The following CPLANE1 variants were observed in gnomAD, a reference collection of about 807,000 sequenced individuals.
CPLANE1 encodes the protein ciliogenesis and planar polarity effector complex subunit 1.
A neutral mutation model predicts 362.5 loss-of-function variants in CPLANE1; 263 were observed. That is an observed-to-expected ratio of 0.73 (90% CI 0.66 to 0.80). CPLANE1 has a LOEUF of 0.80. CPLANE1 is among the 30% of genes least tolerant of loss of function. CPLANE1 has a pLI of 0.00. For missense variants in CPLANE1, 3,461 were observed against 3,793.4 expected, an observed-to-expected ratio of 0.91 and a Z score of 2.30; for synonymous variants, 1,212 against 1,302.6, an observed-to-expected ratio of 0.93 and a Z score of 1.50.
chr5:37,210,093 G>C, intron 16 of CPLANE1: 1 of 824,570 alleles, frequency 1.2e-6, no homozygotes. Flanking sequence ...GGAATTAGCC[G>C]TGTTCCAGAA....
chr5:37,117,180 A>G (rs1761253478), intron 50 of CPLANE1, among the ~76,000 whole-genome samples: 1 of 152,152 alleles, frequency 6.6e-6, no homozygotes, highest in Non-Finnish European at 1.5e-5. Context: ...AGCTATGCTT[A>G]GGCAAAAAGC....
chr5:37,215,739 C>CTTTTTTTTTTTTTTTTTTTT (rs567527656), intron 15 of CPLANE1, among the ~76,000 whole-genome samples: 3 of 95,226 alleles, frequency 3.2e-5, no homozygotes, highest in South Asian at 4.0e-4. Context: ...CTTCTCTTTC[C>CTTTTTTTTTTTTTTTTTTTT]TTTTTTTTTT....
At chr5:37,224,946 CTTT>C (rs199801993) in intron 12 of CPLANE1, among the ~76,000 whole-genome samples, 14 of 131,262 alleles carry the variant, frequency 1.1e-4, no homozygotes, top group Non-Finnish European at 8.2e-5. Context: ...CACCTGTAAT[CTTT>C]TTTTTTTTTT....
intron 35 of CPLANE1, 135 bp downstream of exon 35, chr5:37,166,912 A>G: frequency 1.5e-6 from 1 of 660,360 alleles, no homozygotes; most frequent in Non-Finnish European, 2.5e-6. Context: ...TTTCAGATGC[A>G]TGACACTTGA....
At chr5:37,155,802 TCA>T (rs776251081) in intron 41 of CPLANE1, among the ~76,000 whole-genome samples, 1 of 152,110 alleles carries the variant, frequency 6.6e-6, no homozygotes, top group South Asian at 2.1e-4. Flanking sequence ...TACTCAGGGG[TCA>T]CAGAGAGAAA....
In CPLANE1 at chr5:37,206,422, T is replaced by A; in HGVS notation, c.2924A>T (p.Gln975Leu). 6.5e-7 allele frequency: 1 copy of A among 1,544,726 alleles called. No individual in the cohort carries two copies. The highest frequency in any genetic ancestry group is 8.8e-7 in the Non-Finnish European group (1 of 1,140,912). The part of the protein sequence containing the change: ...VLPPLHIKTE[Q>L]SFRLIPLQHS... ...TTGCAGAGGAATAAGTCGAAAGGAC[T>A]GCTCTGTGAGTAAATTTTTAAAAAT... The change falls in exon 17 of 53, where the codon CAG becomes CTG. Residue 975 changes from glutamine (Q) to leucine (L), a missense_variant. By Grantham distance (113) the Gln-to-Leu change is moderately radical. This residue lies in a region of CPLANE1 where 3,380 missense variants were observed against 3,666.1 expected (regional missense o/e 0.92). Transcript: ENST00000651892.
chr5:37,193,408 A>C (rs986694902), intron 21 of CPLANE1, among the ~76,000 whole-genome samples: 2 of 151,946 alleles, frequency 1.3e-5, no homozygotes, highest in African/African-American at 4.8e-5. Flanking sequence ...TAATCCCAGC[A>C]CTTTCGGAGG....
At position 37,239,699 on chromosome 5, in the gene CPLANE1, A is replaced by C; in HGVS notation, c.834+14T>G. On this transcript the variant is annotated intron_variant, in intron 7 of 52. Transcript: ENST00000651892. ...TCTTTTATAGATTACTTTCTAAGAC[A>C]GATATTTACTGACCTTGGGGTCTTT... 1 of 1,434,988 alleles carries C rather than the reference A, an allele frequency of 7.0e-7. No homozygotes were observed. Among genetic ancestry groups the C allele is most frequent in the Non-Finnish European group, 9.2e-7 (1 of 1,084,226 alleles). The allele number at this position is 1,434,988 out of a possible 1,614,324, so 88.9% of individuals were successfully genotyped here.
chr5:37,190,502 T>C (rs990399851), intron 21 of CPLANE1, among the ~76,000 whole-genome samples: 3 of 151,730 alleles, frequency 2.0e-5, no homozygotes, highest in Non-Finnish European at 4.4e-5. Flanking sequence ...CACTTGAACC[T>C]GGGAGGTCAA....
At chr5:37,229,763 T>C (rs1219575349) in intron 9 of CPLANE1, among the ~76,000 whole-genome samples, 1 of 152,212 alleles carries the variant, frequency 6.6e-6, no homozygotes, top group Non-Finnish European at 1.5e-5. Flanking sequence ...TTTATAATTA[T>C]GTATTACCTT....
chr5:37,155,717 T>C (rs533315309), intron 41 of CPLANE1, among the ~76,000 whole-genome samples: 15 of 152,360 alleles, frequency 9.8e-5, no homozygotes, highest in Admixed American at 3.3e-4. Flanking sequence ...ATTAACTTAC[T>C]GCAAAATCTA....
Position 37,238,916 on chromosome 5 carries a change from G to A in CPLANE1, c.879C>T (p.Leu293=). ...TACTACATCCTTTAAGGCTACCACA[G>A]AGAGTAACAAAATTCAGTGTGTTTA... is the stretch of plus-strand genomic sequence containing the variant. ...LFINTLNFVT[L]CGSLKGCSNK... Residue 293 remains leucine (L), a synonymous_variant, in exon 8 of 53, where the codon CTC becomes CTT. Coordinates refer to ENST00000651892, the MANE Select transcript of CPLANE1 (RefSeq NM_001384732.1). The A allele has an allele frequency of 6.5e-7, 1 of 1,535,102 alleles. No individual in the cohort carries two copies. Among genetic ancestry groups the A allele is most frequent in the Non-Finnish European group, 8.8e-7 (1 of 1,140,790 alleles).
At chr5:37,239,560 G>A (rs540658614) in intron 7 of CPLANE1, among the ~76,000 whole-genome samples, 153 bp downstream of exon 7, 91 of 130,512 alleles carry the variant, frequency 7.0e-4, no homozygotes, top group South Asian at 3.2e-3. Context: ...TCCAGCCTAG[G>A]CAACAGAGAG....
chr5:37,186,287 T>C lies in CPLANE1; in HGVS notation c.4188A>G (p.Lys1396=), dbSNP rs757413913. 1 of 1,430,188 alleles carries C rather than the reference T, an allele frequency of 7.0e-7. No homozygotes were observed. The highest frequency in any genetic ancestry group is 1.2e-5 in the South Asian group (1 of 84,182). 88.6% of individuals were successfully genotyped at this position (1,430,188 alleles called of 1,614,324 possible). ...TATCTGAGAAACAACAAATAATACC[T>C]TTCACAACACAGTGTCTGAGTCTCT... is the stretch of plus-strand genomic sequence containing the variant. The part of the protein sequence containing the change: ...LHQRLRHCVV[K]GPQTEEMMSV... Residue 1396 remains lysine, a splice_region_variant and synonymous_variant, in exon 24 of 53, where the codon AAA becomes AAG. Transcript: ENST00000651892.
In CPLANE1 at chr5:37,169,551, T is replaced by C. The variant is rs555821656; in HGVS notation, c.6473A>G (p.His2158Arg). The C allele has an allele frequency of 1.9e-6, 3 of 1,596,602 alleles. No individual in the cohort carries two copies. Among genetic ancestry groups the C allele is most frequent in the East Asian group, 2.2e-5 (1 of 44,678 alleles). Residue 2158 changes from histidine to arginine, a missense_variant, in exon 34 of 53, where the codon CAT becomes CGT. Physicochemically the swap from His to Arg is conservative, Grantham distance 29. This residue lies in a region of CPLANE1 where 3,380 missense variants were observed against 3,666.1 expected (regional missense o/e 0.92). Coordinates refer to ENST00000651892, the MANE Select transcript of CPLANE1 (RefSeq NM_001384732.1). ...NSTGNVQNVP[H>R]GSIPLCQLNG... Reference sequence around the variant, plus strand: ...TAATTGACATAAAGGAATACTCCCATGTGGAACATTCTGGAAGAGAAAAAA... The same window carrying C: ...TAATTGACATAAAGGAATACTCCCACGTGGAACATTCTGGAAGAGAAAAAA...
intron 16 of CPLANE1, among the ~76,000 whole-genome samples, chr5:37,207,705 T>C (rs1375146753): frequency 6.6e-6 from 1 of 152,232 alleles, no homozygotes; most frequent in Non-Finnish European, 1.5e-5. Flanking sequence ...CCATCTTTAT[T>C]AAATTTCTGA....
intron 21 of CPLANE1, among the ~76,000 whole-genome samples, chr5:37,193,925 T>C (rs1786426354): frequency 7.6e-6 from 1 of 131,214 alleles, no homozygotes; most frequent in Non-Finnish European, 1.6e-5. Context: ...TTTTTTTTTC[T>C]TTTTTTTTTT....
intron 9 of CPLANE1, among the ~76,000 whole-genome samples, chr5:37,229,615 C>T (rs542401188): frequency 4.6e-5 from 7 of 152,092 alleles, no homozygotes; most frequent in Middle Eastern, 6.8e-3. Flanking sequence ...ATAAAGCAAA[C>T]GGAATAGATT....
chr5:37,186,347 C>T lies in CPLANE1; in HGVS notation c.4128G>A (p.Arg1376=), dbSNP rs536291042. The change falls in exon 24 of 53, where the codon AGG becomes AGA. Residue 1376 remains arginine (R), a synonymous_variant. Transcript: ENST00000651892. The part of the protein sequence containing the change: ...VKAFPYPEDV[R]VPLRDKYHSL... Reference sequence around the variant, plus strand: ...AGTGATATTTGTCTCTTAAAGGAACCCTCACGTCCTCAGGATAGGGAAATG... The same window carrying T: ...AGTGATATTTGTCTCTTAAAGGAACTCTCACGTCCTCAGGATAGGGAAATG... 21 of 1,606,894 alleles carry T rather than the reference C, an allele frequency of 1.3e-5. No homozygotes were observed. In the South Asian group the frequency reaches 2.2e-4, roughly 17 times the overall value.
Sources: allele counts gnomAD v4.1 joint callset (sites outside exome capture counted in the v4.1 genomes callset), GRCh38; gene constraint gnomAD v4.1.1; regional missense constraint gnomAD v4.1.1; transcripts MANE v1.5; gene names NCBI Gene and HGNC (gene_info 2026-07-23, HGNC 2026-07-21).